DCDC2: variants seen among roughly 807,000 people sequenced by gnomAD.
DCDC2 encodes doublecortin domain containing 2.
In DCDC2, 40 loss-of-function variants were observed where a neutral mutation model predicts 50.2. That is an observed-to-expected ratio of 0.80 (90% confidence interval 0.62 to 1.04). The LOEUF (loss-of-function observed/expected upper bound fraction) is 1.04, where lower values mean the gene tolerates loss of function less well. Ranked by LOEUF, DCDC2 falls within the 50% of genes least tolerant of loss-of-function variation. The probability of loss-of-function intolerance (pLI) is 0.00; values close to 1 mark genes in which losing one functional copy is unlikely to be tolerated. For missense variants in DCDC2, 570 were observed against 581.9 expected (o/e 0.98, Z 0.21); for synonymous variants, 234 against 210.6 (o/e 1.11, Z -0.96).
intron 7 of DCDC2, among the ~76,000 whole-genome samples, chr6:24,243,696 C>T (rs570175985): frequency 6.6e-6 from 1 of 152,210 alleles, no homozygotes; most frequent in African/African-American, 2.4e-5. Flanking sequence ...TTAAATTGTC[C>T]CTGGCTACAT....
At chr6:24,357,380 T>A in intron 1 of DCDC2, 78 bp downstream of exon 1, 1 of 1,452,534 alleles carries the variant, frequency 6.9e-7, no homozygotes. Context: ...TGTGGGGGGG[T>A]AGGGATCTGC....
At chr6:24,333,265 G>A (rs747693857) in intron 2 of DCDC2, among the ~76,000 whole-genome samples, 5 of 152,008 alleles carry the variant, frequency 3.3e-5, no homozygotes, top group Non-Finnish European at 5.9e-5. Flanking sequence ...CAGGTTCCCA[G>A]AGAGAAAAAA....
intron 7 of DCDC2, among the ~76,000 whole-genome samples, chr6:24,263,879 G>C (rs917347738): frequency 2.0e-5 from 3 of 152,112 alleles, no homozygotes; most frequent in Non-Finnish European, 2.9e-5. Flanking sequence ...TCACGTACAA[G>C]AGGGTTATAG....
chr6:24,357,999 C>T lies in DCDC2; in HGVS notation c.-249G>A. 1 of 1,348,450 alleles carries T rather than the reference C, an allele frequency of 7.4e-7. No individual in the cohort carries two copies. The highest frequency in any genetic ancestry group is 9.9e-7 in the Non-Finnish European group (1 of 1,006,760). The allele number at this position is 1,348,450 out of a possible 1,614,324, so 83.5% of individuals were successfully genotyped here. A position where few individuals can be genotyped will look rare whatever the true frequency, so the allele number is the denominator to read the frequency against. Reference sequence around the variant, plus strand: ...GTGGCGTGCACAGCCAATCAGGACCCGCAGTGCGCGCACCACACCAGGTTC... The same window carrying T: ...GTGGCGTGCACAGCCAATCAGGACCTGCAGTGCGCGCACCACACCAGGTTC... On this transcript the variant is annotated 5_prime_UTR_variant, in exon 1 of 10. Transcript: ENST00000378454.
intron 7 of DCDC2, among the ~76,000 whole-genome samples, chr6:24,237,675 T>C (rs1396037701): frequency 6.6e-6 from 1 of 152,140 alleles, no homozygotes; most frequent in Non-Finnish European, 1.5e-5. Flanking sequence ...AACCTAGGTG[T>C]CTATCAATGG....
intron 2 of DCDC2, among the ~76,000 whole-genome samples, chr6:24,352,026 C>T (rs949351515): frequency 2.0e-5 from 3 of 152,128 alleles, no homozygotes; most frequent in African/African-American, 7.2e-5. Context: ...ATCGCTTGAA[C>T]CCAGGAGGTG....
the DCDC2 span, among the ~76,000 whole-genome samples, chr6:24,373,424 C>T: frequency 2.6e-5 from 4 of 152,184 alleles, no homozygotes; most frequent in East Asian, 1.9e-4. Flanking sequence ...CAGCAGCATG[C>T]GTCAACATGG....
intron 2 of DCDC2, among the ~76,000 whole-genome samples, chr6:24,304,155 T>C (rs1235541064): frequency 6.6e-6 from 1 of 152,228 alleles, no homozygotes; most frequent in Non-Finnish European, 1.5e-5. Context: ...CACTAACACC[T>C]AGCATCACAT....
At chr6:24,192,450 G>A (rs1288092259) in intron 8 of DCDC2, among the ~76,000 whole-genome samples, 1 of 151,912 alleles carries the variant, frequency 6.6e-6, no homozygotes, top group Non-Finnish European at 1.5e-5. Flanking sequence ...GCCAAGAAAC[G>A]ACTCTGACAT....
At chr6:24,187,706 A>G (rs78438357) in intron 8 of DCDC2, among the ~76,000 whole-genome samples, 4,014 of 152,324 alleles carry the variant, frequency 0.026, 88 homozygotes, top group African/African-American at 0.059. Context: ...TATTCGTCTT[A>G]AATAAGACAC....
intron 7 of DCDC2, among the ~76,000 whole-genome samples, chr6:24,249,649 G>T (rs1246647955): frequency 6.6e-6 from 1 of 152,130 alleles, no homozygotes; most frequent in Non-Finnish European, 1.5e-5. Flanking sequence ...AAAACATTAA[G>T]AGATGGGGAG....
intron 7 of DCDC2, among the ~76,000 whole-genome samples, chr6:24,211,826 T>C (rs1761877290): frequency 1.3e-5 from 2 of 152,204 alleles, no homozygotes; most frequent in African/African-American, 4.8e-5. Flanking sequence ...TCCAGAACTG[T>C]AAGATAATAA....
intron 4 of DCDC2, among the ~76,000 whole-genome samples, chr6:24,292,292 GCTTT>G (rs1041926514): frequency 5.3e-5 from 8 of 151,790 alleles, no homozygotes; most frequent in East Asian, 1.9e-4. Context: ...TCATCAAAAA[GCTTT>G]CTGTCTTCCT....
At chr6:24,368,632 C>T in the DCDC2 span, among the ~76,000 whole-genome samples, 1 of 150,924 alleles carries the variant, frequency 6.6e-6, no homozygotes, top group African/African-American at 2.4e-5. Context: ...AAAATGAGAG[C>T]GTTTACCACC....
intron 4 of DCDC2, among the ~76,000 whole-genome samples, chr6:24,298,379 C>T (rs921390283): frequency 6.6e-6 from 1 of 152,168 alleles, no homozygotes; most frequent in Admixed American, 6.5e-5. Flanking sequence ...GTGCAAAGGC[C>T]ATGACAGACA....
chr6:24,304,322 A>T (rs977816161), intron 2 of DCDC2, among the ~76,000 whole-genome samples: 1 of 152,120 alleles, frequency 6.6e-6, no homozygotes, highest in African/African-American at 2.4e-5. Context: ...ATCTCTACTG[A>T]AAATACAAAA....
intron 7 of DCDC2, among the ~76,000 whole-genome samples, chr6:24,247,646 G>A (rs902818814): frequency 2.6e-5 from 4 of 152,176 alleles, no homozygotes; most frequent in African/African-American, 9.6e-5. Flanking sequence ...TTCAAATAAG[G>A]ATTGGTTATA....
chr6:24,373,513 A>G, the DCDC2 span, among the ~76,000 whole-genome samples: 4 of 152,324 alleles, frequency 2.6e-5, no homozygotes, highest in Non-Finnish European at 4.4e-5. Context: ...ACTAGTATAA[A>G]ATTCAAATGC....
chr6:24,182,944 T>C (rs956032163), intron 8 of DCDC2, among the ~76,000 whole-genome samples: 23 of 152,324 alleles, frequency 1.5e-4, no homozygotes, highest in African/African-American at 5.3e-4. Flanking sequence ...AAATGCAGTA[T>C]ATCCATACAA....
Sources: gnomAD v4.1 joint callset for allele counts (sites outside exome capture counted in the v4.1 genomes callset) on GRCh38, gnomAD v4.1.1 for gene constraint, MANE v1.5 for transcripts, NCBI Gene and HGNC (gene_info 2026-07-23, HGNC 2026-07-21) for gene names.